The following IFTAP variants were observed in gnomAD, a reference collection of about 807,000 sequenced individuals.
The protein encoded by IFTAP is intraflagellar transport-associated protein.
In IFTAP, 19 loss-of-function variants were observed where a neutral mutation model predicts 19.4. The observed-to-expected ratio is 0.98, with a 90% CI of 0.68 to 1.44. The LOEUF is 1.44. Ranked by LOEUF, IFTAP falls within the 40% of genes most tolerant of loss-of-function variation. The pLI is 0.00. For synonymous variants in IFTAP, 85 were observed against 83.5 expected (o/e 1.02, Z -0.10); for missense variants, 240 against 253.6 (o/e 0.95, Z 0.36).
chr11:36,623,334 A>G (rs535051141), intron 2 of IFTAP, among the ~76,000 whole-genome samples: 1 of 151,478 alleles, frequency 6.6e-6, no homozygotes, highest in Admixed American at 6.6e-5. Flanking sequence ...TAAGGTCTGT[A>G]GCTTTCATGA....
intron 2 of IFTAP, among the ~76,000 whole-genome samples, chr11:36,631,942 G>A (rs752737679): frequency 3.5e-4 from 53 of 151,198 alleles, no homozygotes; most frequent in Middle Eastern, 3.4e-3. Flanking sequence ...CTGGCTCCCT[G>A]CCCCCACCTT....
chr11:36,651,274 T>A (rs1853712839), intron 5 of IFTAP, among the ~76,000 whole-genome samples: 1 of 152,214 alleles, frequency 6.6e-6, no homozygotes, highest in African/African-American at 2.4e-5. Context: ...GGTATCTCAT[T>A]GTGGTTTTGA....
intron 1 of IFTAP, among the ~76,000 whole-genome samples, chr11:36,602,776 T>C (rs1851555051): frequency 6.6e-6 from 1 of 152,066 alleles, no homozygotes; most frequent in East Asian, 1.9e-4. Flanking sequence ...ATAGGAGTTT[T>C]GTTAGGGGGT....
intron 4 of IFTAP, among the ~76,000 whole-genome samples, chr11:36,638,153 G>C (rs112801756): frequency 0.15 from 23,161 of 150,294 alleles, 2,558 homozygotes; most frequent in African/African-American, 0.31. Flanking sequence ...CCGCCCCACC[G>C]CCCGCCCGAG....
At chr11:36,624,337 G>A (rs12417783) in intron 2 of IFTAP, among the ~76,000 whole-genome samples, 17,260 of 152,112 alleles carry the variant, frequency 0.11, 1,150 homozygotes, top group African/African-American at 0.17. Context: ...TTGAAGCTGG[G>A]TATAGTCATT....
chr11:36,594,751 CT>C (rs1416348013), intron 1 of IFTAP, 159 bp downstream of exon 1: 2 of 155,136 alleles, frequency 1.3e-5, no homozygotes, highest in Admixed American at 6.3e-5. Flanking sequence ...CTCCTGGGGA[CT>C]TTTGAACAGG....
intron 4 of IFTAP, among the ~76,000 whole-genome samples, chr11:36,637,463 C>A (rs1198972379): frequency 6.6e-6 from 1 of 152,086 alleles, no homozygotes; most frequent in Non-Finnish European, 1.5e-5. Flanking sequence ...AAAGGGACTC[C>A]AGTTGGATTA....
chr11:36,651,304 C>CAGTGATAATG (rs1211033108), intron 5 of IFTAP, among the ~76,000 whole-genome samples: 2 of 152,164 alleles, frequency 1.3e-5, no homozygotes, highest in Non-Finnish European at 2.9e-5. Context: ...CTCTGATGGC[C>CAGTGATAATG]AGTGATAATG....
At chr11:36,599,676 ATT>A (rs1851429854) in intron 1 of IFTAP, among the ~76,000 whole-genome samples, 1 of 152,114 alleles carries the variant, frequency 6.6e-6, no homozygotes, top group South Asian at 2.1e-4. Context: ...AGCTCAGTTG[ATT>A]GGTTGATTCT....
chr11:36,638,285 A>G (rs1227173712), intron 4 of IFTAP, among the ~76,000 whole-genome samples: 5 of 152,042 alleles, frequency 3.3e-5, no homozygotes, highest in African/African-American at 1.2e-4. Flanking sequence ...ACATTTTTCA[A>G]TTACCAGATT....
At chr11:36,655,907 G>A (rs1053784656) in intron 5 of IFTAP, among the ~76,000 whole-genome samples, 1 of 151,786 alleles carries the variant, frequency 6.6e-6, no homozygotes, top group Non-Finnish European at 1.5e-5. Flanking sequence ...TATTGTTATG[G>A]TTAGTACCAA....
intron 2 of IFTAP, among the ~76,000 whole-genome samples, chr11:36,622,209 CTA>C (rs1343179457): frequency 1.3e-5 from 2 of 151,348 alleles, no homozygotes; most frequent in Non-Finnish European, 1.5e-5. Context: ...TGTTTGAGTC[CTA>C]TATTCTTACA....
chr11:36,630,805 GGGAAAACTGAA>G lies in IFTAP; in HGVS notation c.137-2478_137-2468del, dbSNP rs566897289. 5.3e-4 allele frequency among the ~76,000 whole-genome samples: 81 copies of G among 151,494 alleles called. 3 individuals carry two copies. Among genetic ancestry groups the G allele is most frequent in the African/African-American group, 1.9e-3 (78 of 40,776 alleles). On this transcript the variant is annotated intron_variant, in intron 2 of 5. Transcript: ENST00000334307. ...TTATACTTGATTTAAAGGATGAGCA[GGGAAAACTGAA>G]ACCGTTTCACCTTTTATTAGAATAG...
rs544842632 is a variant in IFTAP at position 36,614,226 on chromosome 11, T to C, written c.136+3987T>C. Among the ~76,000 whole-genome samples, 393 of 144,934 alleles carry C rather than the reference T, an allele frequency of 2.7e-3. 2 individuals carry two copies. Among genetic ancestry groups the C allele is most frequent in the Middle Eastern group, 6.8e-3 (2 of 292 alleles). On this transcript the variant is annotated intron_variant, in intron 2 of 5. Coordinates refer to ENST00000334307, the MANE Select transcript of IFTAP (RefSeq NM_138787.4). The stretch of plus-strand genomic sequence containing the variant: ...GAATGATGATTTCCAATTTCATCCA[T>C]GTCCCTACAAAGGACATGAACTCAT...
At chr11:36,649,795 A>C (rs1332265671) in intron 5 of IFTAP, among the ~76,000 whole-genome samples, 1 of 152,178 alleles carries the variant, frequency 6.6e-6, no homozygotes, top group Non-Finnish European at 1.5e-5. Context: ...TTTTTTGAAT[A>C]TCTGAAGTAA....
intron 4 of IFTAP, among the ~76,000 whole-genome samples, chr11:36,636,688 C>A (rs1304927529): frequency 1.3e-4 from 20 of 152,080 alleles, no homozygotes; most frequent in Admixed American, 1.3e-3. Flanking sequence ...AAAGAAAATC[C>A]ATTTTTTTGC....
chr11:36,636,032 T>A lies in IFTAP; in HGVS notation c.292-19T>A. ...TTAGGTCTATTCTGCTTAAAAATTA[T>A]GTTAATTCTTTTTTCTAGGTAGATA... On this transcript the variant is annotated intron_variant, in intron 3 of 5. Coordinates refer to ENST00000334307, the MANE Select transcript of IFTAP (RefSeq NM_138787.4). 2.6e-6 allele frequency: 4 copies of A among 1,550,376 alleles called. No homozygotes were observed. The highest frequency in any genetic ancestry group is 3.6e-6 in the Non-Finnish European group (4 of 1,123,164).
intron 4 of IFTAP, among the ~76,000 whole-genome samples, chr11:36,644,550 G>A (rs1286525841): frequency 2.0e-5 from 3 of 152,056 alleles, no homozygotes; most frequent in Non-Finnish European, 4.4e-5. Flanking sequence ...ACATGCACAC[G>A]TATGTTCATT....
chr11:36,641,333 C>A (rs899033782), intron 4 of IFTAP, among the ~76,000 whole-genome samples: 2 of 151,966 alleles, frequency 1.3e-5, no homozygotes, highest in African/African-American at 4.8e-5. Context: ...AATATTGGAA[C>A]ACTTGTCAGT....
Sources: allele counts gnomAD v4.1 joint callset (sites outside exome capture counted in the v4.1 genomes callset), GRCh38; gene constraint gnomAD v4.1.1; transcripts MANE v1.5; gene names NCBI Gene and HGNC (gene_info 2026-07-23, HGNC 2026-07-21).